CHCHD6: variants seen among roughly 807,000 people sequenced by gnomAD.
The protein encoded by CHCHD6 is MICOS complex subunit MIC25.
A neutral mutation model predicts 32.3 loss-of-function variants in CHCHD6; 28 were observed. The ratio of observed to expected loss-of-function variants is 0.87; its 90% CI spans 0.64 to 1.19. CHCHD6 has a LOEUF of 1.19. CHCHD6 is among the 50% of genes most tolerant of loss of function. The pLI, the probability that CHCHD6 is intolerant of heterozygous loss-of-function variation, is 0.00. For synonymous variants in CHCHD6, 122 were observed against 117.5 expected (o/e 1.04, Z -0.25); for missense variants, 333 against 307.0 (o/e 1.08, Z -0.63).
intron 4 of CHCHD6, among the ~76,000 whole-genome samples, chr3:126,852,208 G>A (rs1941498646): frequency 6.6e-6 from 1 of 152,160 alleles, no homozygotes; most frequent in African/African-American, 2.4e-5. Context: ...CACACCCAGC[G>A]GCCGGACACA....
At chr3:126,878,342 G>A (rs2077566230) in intron 5 of CHCHD6, among the ~76,000 whole-genome samples, 2 of 152,178 alleles carry the variant, frequency 1.3e-5, no homozygotes, top group Admixed American at 6.5e-5. Context: ...GGCTGGTTCC[G>A]AGGCTGCAAC....
intron 4 of CHCHD6, among the ~76,000 whole-genome samples, chr3:126,776,146 C>A (rs942090466): frequency 1.3e-5 from 2 of 152,144 alleles, no homozygotes; most frequent in African/African-American, 4.8e-5. Context: ...CTTGGGTCTT[C>A]TTTAATAATT....
At chr3:126,795,473 G>A (rs1029271377) in intron 4 of CHCHD6, among the ~76,000 whole-genome samples, 1 of 152,070 alleles carries the variant, frequency 6.6e-6, no homozygotes, top group African/African-American at 2.4e-5. Flanking sequence ...GTTAAGAATT[G>A]GGCATAGCAA....
intron 4 of CHCHD6, among the ~76,000 whole-genome samples, chr3:126,792,627 C>A (rs1938608528): frequency 6.6e-6 from 1 of 152,100 alleles, no homozygotes; most frequent in Non-Finnish European, 1.5e-5. Flanking sequence ...CATATTTTAA[C>A]AATTTCAATT....
At chr3:126,812,927 C>T (rs1259088595) in intron 4 of CHCHD6, among the ~76,000 whole-genome samples, 1 of 152,076 alleles carries the variant, frequency 6.6e-6, no homozygotes, top group Non-Finnish European at 1.5e-5. Context: ...GAATTCTAGG[C>T]TGTCTTGGAA....
At chr3:126,744,584 G>A (rs1192056529) in intron 4 of CHCHD6, among the ~76,000 whole-genome samples, 1 of 152,220 alleles carries the variant, frequency 6.6e-6, no homozygotes, top group Non-Finnish European at 1.5e-5. Flanking sequence ...AGTTGGCAGT[G>A]GCTTAAAGTG....
rs1463843032 is a variant in CHCHD6 at position 126,727,191 on chromosome 3, G to A, written c.196+5G>A. Reference sequence around the variant, plus strand: ...ACTTGAGAGCCCCTCACAAAGGTATGGGGATTGTGACAGTTCTGTGGAGTG... The same window carrying A: ...ACTTGAGAGCCCCTCACAAAGGTATAGGGATTGTGACAGTTCTGTGGAGTG... On this transcript the variant is annotated splice_donor_5th_base_variant and intron_variant, in intron 2 of 7. Transcript: ENST00000290913. 1.3e-6 allele frequency: 2 copies of A among 1,585,070 alleles called. No homozygotes were observed. The highest frequency in any genetic ancestry group is 2.2e-5 in the East Asian group (1 of 44,724).
In CHCHD6 at chr3:126,704,325, G is replaced by C. The variant is rs765933839; in HGVS notation, c.13G>C (p.Glu5Gln). 1.2e-6 allele frequency: 2 copies of C among 1,603,802 alleles called. No individual in the cohort carries two copies. Among genetic ancestry groups the C allele is most frequent in the Non-Finnish European group, 1.7e-6 (2 of 1,177,118 alleles). The change falls in exon 1 of 8, where the codon GAG (glutamate) becomes CAG (glutamine). Residue 5 changes from glutamate to glutamine, a missense_variant. Physicochemically the swap from Glu to Gln is conservative, Grantham distance 29. Coordinates refer to ENST00000290913, the MANE Select transcript of CHCHD6 (RefSeq NM_032343.3). ...GCGGCATCTCGCCATGGGGAGCACG[G>C]AGAGCAGCGAGGGCCGCAGGGTGTC... MGST[E>Q]SSEGRRVSFG...
chr3:126,912,964 G>T (rs868045192), intron 5 of CHCHD6, among the ~76,000 whole-genome samples: 4 of 6,252 alleles, frequency 6.4e-4, no homozygotes, highest in African/African-American at 7.6e-4. Context: ...TCCCTGGGTG[G>T]CTCTGTGCAC....
intron 4 of CHCHD6, among the ~76,000 whole-genome samples, chr3:126,805,647 A>G (rs931675856): frequency 9.9e-5 from 15 of 152,214 alleles, no homozygotes; most frequent in Admixed American, 5.9e-4. Flanking sequence ...TATAGATTCA[A>G]TGCCCTCCCC....
At chr3:126,716,311 C>A (rs1233396165) in intron 1 of CHCHD6, among the ~76,000 whole-genome samples, 1 of 152,226 alleles carries the variant, frequency 6.6e-6, no homozygotes, top group African/African-American at 2.4e-5. Flanking sequence ...TGCCACACCT[C>A]TCTCTGGAAC....
chr3:126,784,007 C>T (rs1938078121), intron 4 of CHCHD6, among the ~76,000 whole-genome samples: 1 of 152,120 alleles, frequency 6.6e-6, no homozygotes, highest in Non-Finnish European at 1.5e-5. Context: ...TTTTTTGTAT[C>T]CCCACTGCAC....
At chr3:126,777,759 T>A (rs1369907109) in intron 4 of CHCHD6, among the ~76,000 whole-genome samples, 3 of 152,244 alleles carry the variant, frequency 2.0e-5, no homozygotes, top group Non-Finnish European at 4.4e-5. Context: ...CTGGTTTTAT[T>A]TTAACAGCTT....
chr3:126,959,139 C>T (rs1246478246), intron 7 of CHCHD6, among the ~76,000 whole-genome samples: 3 of 152,232 alleles, frequency 2.0e-5, no homozygotes, highest in African/African-American at 4.8e-5. Flanking sequence ...ATATCTTCCT[C>T]GCACCAAGGC....
At chr3:126,947,319 C>T (rs551135150) in intron 6 of CHCHD6, among the ~76,000 whole-genome samples, 2 of 152,376 alleles carry the variant, frequency 1.3e-5, no homozygotes, top group East Asian at 3.9e-4. Context: ...CCCTGTGGCT[C>T]CTGGGCTGGG....
At chr3:126,897,869 G>A (rs1435523392) in intron 5 of CHCHD6, among the ~76,000 whole-genome samples, 1 of 152,156 alleles carries the variant, frequency 6.6e-6, no homozygotes, top group Non-Finnish European at 1.5e-5. Context: ...CAGCATAGGA[G>A]CCCTCTGCAT....
intron 5 of CHCHD6, among the ~76,000 whole-genome samples, chr3:126,854,456 G>A (rs1941585856): frequency 6.6e-6 from 1 of 152,156 alleles, no homozygotes; most frequent in Admixed American, 6.5e-5. Flanking sequence ...CAGAAAGGAG[G>A]CAGAAGAATG....
chr3:126,749,881 A>G (rs1363428902), intron 4 of CHCHD6, among the ~76,000 whole-genome samples: 1 of 152,182 alleles, frequency 6.6e-6, no homozygotes, highest in African/African-American at 2.4e-5. Context: ...TGCCCAGCCA[A>G]AGCTCCATAC....
intron 4 of CHCHD6, among the ~76,000 whole-genome samples, chr3:126,834,080 A>T (rs1940758670): frequency 6.7e-6 from 1 of 149,586 alleles, no homozygotes; most frequent in African/African-American, 2.5e-5. Flanking sequence ...AAAAAAAAAG[A>T]ATTACCAATA....
Sources: gnomAD v4.1 joint callset for allele counts (sites outside exome capture counted in the v4.1 genomes callset) on GRCh38, gnomAD v4.1.1 for gene constraint, MANE v1.5 for transcripts, NCBI Gene and HGNC (gene_info 2026-07-23, HGNC 2026-07-21) for gene names.